The following URI1 variants were observed in gnomAD, a reference collection of about 807,000 sequenced individuals.
The protein encoded by URI1 is unconventional prefoldin RPB5 interactor 1.
URI1 carries 39 observed loss-of-function variants against 60.2 expected under a neutral mutation model. That is an observed-to-expected ratio of 0.65 (90% CI 0.50 to 0.85). The LOEUF (loss-of-function observed/expected upper bound fraction) is 0.85. URI1 is among the 40% of genes least tolerant of loss of function. The pLI is 0.00. For missense variants in URI1, 691 were observed against 665.9 expected, an observed-to-expected ratio of 1.04 and a Z score of -0.42; for synonymous variants, 251 against 236.8, an observed-to-expected ratio of 1.06 and a Z score of -0.55.
chr19:29,964,312 T>TA (rs758680625), intron 1 of URI1, among the ~76,000 whole-genome samples: 15 of 152,168 alleles, frequency 9.9e-5, no homozygotes, highest in Non-Finnish European at 1.9e-4. Context: ...TTCTGAGAGT[T>TA]ACAAGCTTTT....
At position 30,015,420 on chromosome 19, in the gene URI1, G is replaced by A. The variant is rs1770625555; in HGVS notation, c.*351G>A. 6.8e-7 allele frequency: 1 copy of A among 1,477,998 alleles called. No individual in the cohort carries two copies. Among genetic ancestry groups the A allele is most frequent in the Admixed American group, 2.5e-5 (1 of 40,790 alleles). The allele number at this position is 1,477,998 out of a possible 1,614,324, so 91.6% of individuals were successfully genotyped here. A position where few individuals can be genotyped will look rare whatever the true frequency, so the allele number is the denominator to read the frequency against. ...GCAGTTTTGTGCCAGCTGTGATATT[G>A]TGCATACCATATGGACCATTTTAAA... On this transcript the variant is annotated 3_prime_UTR_variant, in exon 11 of 11. Transcript: ENST00000392271.
In URI1 at chr19:30,016,333, A is replaced by G. The variant is rs1260327075; in HGVS notation, c.*1264A>G. On this transcript the variant is annotated 3_prime_UTR_variant, in exon 11 of 11. Transcript: ENST00000392271. ...TAATTCAAACCGAGGACTGATTTTG[A>G]AAGATCACCTAAAAATGTAGATTTG... 6.6e-6 allele frequency: 1 copy of G among 152,172 alleles called. No homozygotes were observed. Among genetic ancestry groups the G allele is most frequent in the Non-Finnish European group, 1.5e-5 (1 of 67,976 alleles). The allele number at this position is 152,172 out of a possible 1,614,324, so 9.4% of individuals were successfully genotyped here. A position where few individuals can be genotyped will look rare whatever the true frequency, so the allele number is the denominator to read the frequency against.
chr19:29,985,689 C>T (rs960964150), intron 3 of URI1, among the ~76,000 whole-genome samples: 2 of 151,290 alleles, frequency 1.3e-5, no homozygotes, highest in South Asian at 2.2e-4. Flanking sequence ...TATATAAAAA[C>T]GTGCTGCTAA....
At chr19:30,002,065 A>G (rs1047252288) in intron 4 of URI1, among the ~76,000 whole-genome samples, 8 of 151,998 alleles carry the variant, frequency 5.3e-5, no homozygotes, top group Non-Finnish European at 1.0e-4. Context: ...GAGGTTGAGA[A>G]TAGAGTGGTC....
intron 1 of URI1, among the ~76,000 whole-genome samples, chr19:29,956,196 G>A (rs1171206284): frequency 6.7e-6 from 1 of 150,144 alleles, no homozygotes; most frequent in Non-Finnish European, 1.5e-5. Flanking sequence ...GGTCAGTCTG[G>A]TCTCAAACTC....
At chr19:29,984,132 A>G (rs1315681501) in intron 2 of URI1, among the ~76,000 whole-genome samples, 1 of 152,064 alleles carries the variant, frequency 6.6e-6, no homozygotes, top group East Asian at 1.9e-4. Context: ...GCTTTATTAA[A>G]TCTCTTCTTT....
intron 2 of URI1, among the ~76,000 whole-genome samples, chr19:29,972,225 CTAA>C (rs1339103463): frequency 6.6e-6 from 1 of 151,704 alleles, no homozygotes; most frequent in Non-Finnish European, 1.5e-5. Context: ...TAATCTAAAA[CTAA>C]TAATATCCAC....
rs185599828 is a variant in URI1, at chr19:29,925,241, G to A, written c.63+1487G>A. On this transcript the variant is annotated intron_variant, in intron 1 of 10. Coordinates refer to the URI1 transcript ENST00000360605. Reference sequence around the variant, plus strand: ...AGGACAAAATGTTTTGGTTAATAATGTCTTCATGTGTGTAAGTCCTGTTTT... The same window carrying A: ...AGGACAAAATGTTTTGGTTAATAATATCTTCATGTGTGTAAGTCCTGTTTT... Among the ~76,000 whole-genome samples the A allele has an allele frequency of 7.5e-4, 115 of 152,342 alleles. 1 individual carries two copies. Among genetic ancestry groups the A allele is most frequent in the Non-Finnish European group, 7.6e-4 (52 of 68,034 alleles).
rs746643657 is a variant in URI1 at position 30,007,480 on chromosome 19, A to C, written c.528A>C (p.Arg176=). 2 of 1,612,848 alleles carry C rather than the reference A, an allele frequency of 1.2e-6. No homozygotes were observed. Among genetic ancestry groups the C allele is most frequent in the South Asian group, 2.2e-5 (2 of 91,020 alleles). Residue 176 remains arginine, a synonymous_variant, in exon 7 of 11, where the codon CGA becomes CGC. Transcript: ENST00000392271. ...CCTTTTTCTAAATAGCAAAACACCG[A>C]ATTGCTCATAAACCGCATTCCAAAC... is the stretch of plus-strand genomic sequence containing the variant. ...KCDFEFKAKH[R]IAHKPHSKPK...
chr19:29,986,897 AG>A (rs1216143630), intron 4 of URI1, among the ~76,000 whole-genome samples: 1 of 152,202 alleles, frequency 6.6e-6, no homozygotes, highest in African/African-American at 2.4e-5. Context: ...CATTTGATAG[AG>A]GAGACCAGGT....
chr19:30,015,209 C>T lies in URI1; in HGVS notation c.*140C>T, dbSNP rs166731. On this transcript the variant is annotated 3_prime_UTR_variant, in exon 11 of 11. Coordinates refer to ENST00000392271, the MANE Select transcript of URI1 (RefSeq NM_003796.3). ...GGCAACAAGTTCTTTTACCCTTACC[C>T]GTGGTATTTGAAAAAAATCAAGGTA... 9.0e-5 allele frequency: 128 copies of T among 1,422,546 alleles called. No homozygotes were observed. Among genetic ancestry groups the T allele is most frequent in the Middle Eastern group, 2.4e-4 (1 of 4,178 alleles). The allele number at this position is 1,422,546 out of a possible 1,614,324, so 88.1% of individuals were successfully genotyped here.
chr19:29,942,402 AGCG>A lies in URI1; in HGVS notation c.-135_-133del. ...AGCGGGCGGCGCGGACGCGAACAGC[AGCG>A]GCGGCGGCGGGCGCGGCCTCCTGGG... On this transcript the variant is annotated 5_prime_UTR_variant, in exon 1 of 11. Transcript: ENST00000392271. The A allele has an allele frequency of 2.0e-6, 2 of 982,638 alleles. No individual in the cohort carries two copies. The highest frequency in any genetic ancestry group is 2.4e-6 in the Non-Finnish European group (2 of 828,794). 60.9% of individuals were successfully genotyped at this position (982,638 alleles called of 1,614,324 possible).
At chr19:29,995,611 A>G (rs1362654740) in intron 4 of URI1, among the ~76,000 whole-genome samples, 1 of 148,870 alleles carries the variant, frequency 6.7e-6, no homozygotes, top group East Asian at 1.9e-4. Flanking sequence ...ATGTTGTTTG[A>G]TGCACAAAAA....
At chr19:29,948,867 C>T (rs1348987852) in intron 1 of URI1, among the ~76,000 whole-genome samples, 4 of 152,206 alleles carry the variant, frequency 2.6e-5, no homozygotes, top group East Asian at 1.9e-4. Context: ...ACCTGCCACA[C>T]GGGGTGGCGG....
At chr19:29,944,800 T>C (rs1279560948) in intron 1 of URI1, among the ~76,000 whole-genome samples, 1 of 152,222 alleles carries the variant, frequency 6.6e-6, no homozygotes, top group African/African-American at 2.4e-5. Flanking sequence ...AAGCATTTGC[T>C]TCAGTGGACA....
At chr19:29,942,834 C>G (rs1196340731) in intron 1 of URI1, among the ~76,000 whole-genome samples, 170 bp downstream of exon 1, 2 of 152,282 alleles carry the variant, frequency 1.3e-5, no homozygotes, top group East Asian at 3.9e-4. Context: ...CCTTTGACTT[C>G]GCAGCGGAGT....
chr19:30,007,963 T>C (rs887520695), intron 7 of URI1, among the ~76,000 whole-genome samples: 5 of 152,106 alleles, frequency 3.3e-5, no homozygotes, highest in African/African-American at 1.2e-4. Context: ...TTAATATATA[T>C]AATGTTAAAT....
At chr19:29,926,488 C>CTCA (rs2054869513) in intron 1 of URI1, among the ~76,000 whole-genome samples, 1 of 152,164 alleles carries the variant, frequency 6.6e-6, no homozygotes, top group East Asian at 1.9e-4. Flanking sequence ...CACTATGTTG[C>CTCA]CCAGACTAGA....
chr19:29,964,302 TTC>T (rs1300380700), intron 1 of URI1, among the ~76,000 whole-genome samples: 2 of 152,146 alleles, frequency 1.3e-5, no homozygotes, highest in Non-Finnish European at 2.9e-5. Context: ...CTCTTCTACT[TTC>T]TGAGAGTTAC....
Sources: allele counts gnomAD v4.1 joint callset (sites outside exome capture counted in the v4.1 genomes callset), GRCh38; gene constraint gnomAD v4.1.1; transcripts MANE v1.5; gene names NCBI Gene and HGNC (gene_info 2026-07-23, HGNC 2026-07-21).